The following DTWD2 variants were observed in gnomAD, a reference collection of about 807,000 sequenced individuals.
DTWD2 encodes the protein DTW motif tRNA-uridine aminocarboxypropyltransferase 2.
DTWD2 carries 39 observed loss-of-function variants against 31.8 expected under a neutral mutation model. The ratio of observed to expected loss-of-function variants is 1.22; its 90% CI spans 0.95 to 1.60. The LOEUF (loss-of-function observed/expected upper bound fraction) is 1.60, where lower values mean the gene tolerates loss of function less well. Ranked by LOEUF, DTWD2 falls within the 40% of genes most tolerant of loss-of-function variation. The pLI, the probability that DTWD2 is intolerant of heterozygous loss-of-function variation, is 0.00. For missense variants in DTWD2, 515 were observed against 381.5 expected (o/e 1.35, Z -2.92); for synonymous variants, 180 against 142.8 (o/e 1.26, Z -1.86).
chr5:118,932,108 T>C (rs1385232985), intron 3 of DTWD2, among the ~76,000 whole-genome samples: 1 of 152,008 alleles, frequency 6.6e-6, no homozygotes, highest in Non-Finnish European at 1.5e-5. Context: ...AGCATTAAAA[T>C]GCACATTAAG....
In DTWD2 at chr5:118,951,704, G is replaced by C. The variant is rs1393281935; in HGVS notation, c.219-7055C>G. Among the ~76,000 whole-genome samples, 3 of 152,156 alleles carry C rather than the reference G, an allele frequency of 2.0e-5. No homozygotes were observed. The East Asian group carries it at 5.8e-4, about 29-fold the overall frequency. On this transcript the variant is annotated intron_variant, in intron 1 of 5. Transcript: ENST00000510708. The stretch of plus-strand genomic sequence containing the variant: ...GGCTAAGGGAGAAGAAGGAGGAATG[G>C]AGGGTGGAAGGTTGCCCATAGTGAA...
intron 3 of DTWD2, among the ~76,000 whole-genome samples, chr5:118,935,899 T>G (rs1419382080): frequency 1.3e-5 from 2 of 152,182 alleles, no homozygotes; most frequent in Non-Finnish European, 2.9e-5. Flanking sequence ...TTGACCTAAT[T>G]GATAGTTTGT....
At chr5:118,919,849 A>G (rs1753662115) in intron 4 of DTWD2, among the ~76,000 whole-genome samples, 1 of 152,176 alleles carries the variant, frequency 6.6e-6, no homozygotes, top group Non-Finnish European at 1.5e-5. Context: ...ATTGTCCTAC[A>G]AACAGTGGCG....
chr5:118,878,453 A>G (rs1752668935), intron 4 of DTWD2, among the ~76,000 whole-genome samples: 1 of 152,226 alleles, frequency 6.6e-6, no homozygotes, highest in Non-Finnish European at 1.5e-5. Flanking sequence ...ATAACTGGCT[A>G]GTCATATGCA....
intron 1 of DTWD2, among the ~76,000 whole-genome samples, chr5:118,950,011 C>G (rs1754425057): frequency 6.6e-6 from 1 of 151,960 alleles, no homozygotes; most frequent in South Asian, 2.1e-4. Context: ...GAGATCGAGA[C>G]CATCCTGGCT....
At chr5:118,979,827 A>C (rs1460224033) in intron 1 of DTWD2, among the ~76,000 whole-genome samples, 3 of 152,254 alleles carry the variant, frequency 2.0e-5, no homozygotes, top group African/African-American at 7.2e-5. Flanking sequence ...AGTGGGGAAT[A>C]ACACAAATTG....
In DTWD2 at chr5:118,838,130, T is replaced by C. The variant is rs1448822226; in HGVS notation, c.*2787A>G. On this transcript the variant is annotated 3_prime_UTR_variant, in exon 6 of 6. Transcript: ENST00000510708. ...AAAGTTGCCATGCACTGTGACTTAC[T>C]ACTTTGTATAATCTAGTTCTCAACC... 1 of 152,262 alleles carries C rather than the reference T, an allele frequency of 6.6e-6. No individual in the cohort carries two copies. Among genetic ancestry groups the C allele is most frequent in the Non-Finnish European group, 1.5e-5 (1 of 68,054 alleles). The allele number at this position is 152,262 out of a possible 1,614,324, so 9.4% of individuals were successfully genotyped here.
At chr5:118,898,940 GA>G (rs1753144147) in intron 4 of DTWD2, among the ~76,000 whole-genome samples, 3 of 152,178 alleles carry the variant, frequency 2.0e-5, no homozygotes, top group Admixed American at 2.0e-4. Flanking sequence ...CTGTATCTGT[GA>G]AATCGCCTGC....
At chr5:118,986,861 G>T (rs974831709) in intron 1 of DTWD2, among the ~76,000 whole-genome samples, 1 of 151,508 alleles carries the variant, frequency 6.6e-6, no homozygotes, top group African/African-American at 2.4e-5. Context: ...GCAAGAGGGA[G>T]GAGAGCTTTT....
chr5:118,888,087 A>T (rs1189518002), intron 4 of DTWD2, among the ~76,000 whole-genome samples: 1 of 152,110 alleles, frequency 6.6e-6, no homozygotes, highest in Non-Finnish European at 1.5e-5. Context: ...TGTTTTTAGT[A>T]CTTTACTAAA....
At chr5:118,883,485 C>G (rs1396239311) in intron 4 of DTWD2, among the ~76,000 whole-genome samples, 1 of 152,130 alleles carries the variant, frequency 6.6e-6, no homozygotes, top group African/African-American at 2.4e-5. Flanking sequence ...TATATTAGTC[C>G]ATTTTCACAT....
chr5:118,879,409 G>A (rs937335480), intron 4 of DTWD2, among the ~76,000 whole-genome samples: 9 of 151,960 alleles, frequency 5.9e-5, no homozygotes, highest in African/African-American at 9.7e-5. Flanking sequence ...TCAAGAGTTC[G>A]AGAGCAGCCT....
At chr5:118,953,461 T>A (rs941730856) in intron 1 of DTWD2, among the ~76,000 whole-genome samples, 7 of 152,116 alleles carry the variant, frequency 4.6e-5, no homozygotes, top group African/African-American at 1.7e-4. Flanking sequence ...AATTTGACCT[T>A]CCCTTAACTA....
intron 1 of DTWD2, chr5:118,974,162 C>T (rs1755070661): frequency 1.3e-6 from 2 of 1,511,026 alleles, no homozygotes; most frequent in Non-Finnish European, 1.8e-6. Context: ...AAAAAAAAGG[C>T]CGCCTTGACC....
intron 1 of DTWD2, among the ~76,000 whole-genome samples, chr5:118,979,766 C>A (rs1388874500): frequency 6.6e-6 from 1 of 152,214 alleles, no homozygotes; most frequent in African/African-American, 2.4e-5. Flanking sequence ...CCAAACACCG[C>A]ATGTTCTCAC....
intron 4 of DTWD2, among the ~76,000 whole-genome samples, chr5:118,911,532 A>G (rs888061904): frequency 6.6e-6 from 1 of 152,242 alleles, no homozygotes; most frequent in African/African-American, 2.4e-5. Context: ...TGAAAACGGA[A>G]TCATGAAAAG....
chr5:118,928,011 T>C (rs1753845040), intron 4 of DTWD2, among the ~76,000 whole-genome samples: 1 of 152,076 alleles, frequency 6.6e-6, no homozygotes, highest in Non-Finnish European at 1.5e-5. Context: ...GTTGAGTCCA[T>C]TCCAGGAATA....
intron 1 of DTWD2, among the ~76,000 whole-genome samples, chr5:118,960,854 A>G (rs1754689377): frequency 6.6e-6 from 1 of 152,186 alleles, no homozygotes; most frequent in African/African-American, 2.4e-5. Flanking sequence ...ATTCTCACTT[A>G]TCAGTGGGAG....
At chr5:118,982,971 G>A (rs1400507678) in intron 1 of DTWD2, among the ~76,000 whole-genome samples, 4 of 152,284 alleles carry the variant, frequency 2.6e-5, no homozygotes, top group African/African-American at 7.2e-5. Flanking sequence ...CTACAGGCAT[G>A]AGCCACTGTG....
Sources: allele counts gnomAD v4.1 joint callset (sites outside exome capture counted in the v4.1 genomes callset), GRCh38; gene constraint gnomAD v4.1.1; transcripts MANE v1.5; gene names NCBI Gene and HGNC (gene_info 2026-07-23, HGNC 2026-07-21).